The following CDH12 variants were observed in gnomAD, a reference collection of about 807,000 sequenced individuals.
CDH12 encodes the protein cadherin-12.
Under a neutral mutation model 74.1 loss-of-function variants are expected in CDH12, and 41 were observed. The observed-to-expected ratio is 0.55, with a 90% CI of 0.43 to 0.72. The LOEUF (loss-of-function observed/expected upper bound fraction) is 0.72. Ranked by LOEUF, CDH12 falls within the 30% of genes least tolerant of loss-of-function variation. The pLI, the probability that CDH12 is intolerant of heterozygous loss-of-function variation, is 0.00. For synonymous variants in CDH12, 399 were observed against 355.0 expected (o/e 1.12, Z -1.39); for missense variants, 945 against 977.2 (o/e 0.97, Z 0.44).
At chr5:21,778,379 T>A (rs1396689185) in intron 11 of CDH12, among the ~76,000 whole-genome samples, 5 of 151,494 alleles carry the variant, frequency 3.3e-5, no homozygotes, top group Non-Finnish European at 2.9e-5. Context: ...TTTATTATAT[T>A]GTTAATGTTA....
rs1255311757 is a variant in CDH12 at position 22,811,108 on chromosome 5, TATATAC to T, written c.-523+41944_-523+41949del. ...ATACACACGTATATGTACATATGTA[TATATAC>T]ATATACATATATACACATATATGCT... On this transcript the variant is annotated intron_variant, in intron 1 of 14. Transcript: ENST00000382254. Among the ~76,000 whole-genome samples the T allele has an allele frequency of 4.6e-5, 7 of 151,868 alleles. No homozygotes were observed. The East Asian group carries it at 1.4e-3, about 29-fold the overall frequency.
intron 5 of CDH12, among the ~76,000 whole-genome samples, chr5:22,036,798 T>C (rs1192980262): frequency 1.3e-5 from 2 of 152,156 alleles, no homozygotes; most frequent in African/African-American, 2.4e-5. Flanking sequence ...TAATAACATA[T>C]TCACTAAACT....
intron 4 of CDH12, among the ~76,000 whole-genome samples, chr5:22,119,295 T>G (rs2150272719): frequency 6.7e-6 from 1 of 149,916 alleles, no homozygotes; most frequent in Non-Finnish European, 1.5e-5. Context: ...GTTTTTTTTT[T>G]TTTTTTTTTT....
chr5:22,795,769 T>G (rs1748169560), intron 1 of CDH12, among the ~76,000 whole-genome samples: 1 of 151,730 alleles, frequency 6.6e-6, no homozygotes, highest in South Asian at 2.1e-4. Context: ...AGATTCCATA[T>G]ATGGAATCAT....
intron 2 of CDH12, among the ~76,000 whole-genome samples, chr5:22,462,536 G>A (rs187372271): frequency 6.4e-4 from 97 of 152,250 alleles, no homozygotes; most frequent in African/African-American, 2.2e-3. Flanking sequence ...GTGGCAGGCT[G>A]CCTACTGTGG....
At chr5:22,204,273 G>A (rs1421368869) in intron 4 of CDH12, among the ~76,000 whole-genome samples, 2 of 151,180 alleles carry the variant, frequency 1.3e-5, no homozygotes, top group Non-Finnish European at 2.9e-5. Flanking sequence ...CCATTCTCCT[G>A]CCTCAGCCTC....
In CDH12 at chr5:21,848,940, T is replaced by C. The variant is rs550971078; in HGVS notation, c.646+5731A>G. 9.2e-4 allele frequency among the ~76,000 whole-genome samples: 140 copies of C among 151,934 alleles called. 4 individuals are homozygous for C. The South Asian group carries it at 0.027, about 30-fold the overall frequency. On this transcript the variant is annotated intron_variant, in intron 7 of 14. Coordinates refer to ENST00000382254, the MANE Select transcript of CDH12 (RefSeq NM_004061.5). ...TACTTGATTCATCTTAGTCTCCCAA[T>C]AGCAAAGGACCTGTCAGGTCGTATG...
chr5:22,343,321 C>CAG (rs1283582617), intron 3 of CDH12, among the ~76,000 whole-genome samples: 21 of 124,292 alleles, frequency 1.7e-4, no homozygotes, highest in Admixed American at 3.9e-4. Context: ...CAGACACACA[C>CAG]ACAGAGAGAG....
At chr5:22,507,830 GGT>G (rs1466784310) in intron 1 of CDH12, among the ~76,000 whole-genome samples, 1 of 152,258 alleles carries the variant, frequency 6.6e-6, no homozygotes, top group Non-Finnish European at 1.5e-5. Context: ...ATGAAATCAA[GGT>G]GTCACGGTGC....
chr5:22,240,309 A>C (rs1752701217), intron 3 of CDH12, among the ~76,000 whole-genome samples: 1 of 152,176 alleles, frequency 6.6e-6, no homozygotes, highest in African/African-American at 2.4e-5. Flanking sequence ...CAAAGTGAAC[A>C]TGAAAAAGAT....
At chr5:22,506,651 G>A (rs1736397926) in intron 1 of CDH12, among the ~76,000 whole-genome samples, 1 of 151,838 alleles carries the variant, frequency 6.6e-6, no homozygotes. Flanking sequence ...AGAATGGTGA[G>A]AAACCAAGAT....
chr5:22,027,051 T>C lies in CDH12; in HGVS notation c.231+51395A>G, dbSNP rs186141590. On this transcript the variant is annotated intron_variant, in intron 5 of 14. Transcript: ENST00000382254. ...GTCGTTGAATTTTGTCAAAGGCCTTTTCTGCATCTATTGAGATAATCATGT... is the reference window on the plus strand; with the variant it reads ...GTCGTTGAATTTTGTCAAAGGCCTTCTCTGCATCTATTGAGATAATCATGT... Among the ~76,000 whole-genome samples, 1,075 of 152,320 alleles carry C rather than the reference T, an allele frequency of 7.1e-3. 12 individuals carry two copies. The highest frequency in any genetic ancestry group is 0.025 in the African/African-American group (1,019 of 41,576).
intron 5 of CDH12, among the ~76,000 whole-genome samples, chr5:22,027,558 G>T (rs533953535): frequency 6.6e-6 from 1 of 152,172 alleles, no homozygotes; most frequent in South Asian, 2.1e-4. Context: ...TGTATGAGTC[G>T]AGGAATTTAT....
intron 1 of CDH12, among the ~76,000 whole-genome samples, chr5:22,523,455 A>T (rs1737135018): frequency 6.6e-6 from 1 of 152,174 alleles, no homozygotes; most frequent in Admixed American, 6.5e-5. Flanking sequence ...ATTTTTTTAC[A>T]ACTGTCTGAA....
chr5:21,806,639 C>T (rs1434835612), intron 9 of CDH12, among the ~76,000 whole-genome samples: 1 of 152,126 alleles, frequency 6.6e-6, no homozygotes, highest in Non-Finnish European at 1.5e-5. Flanking sequence ...ATTTGTTTGC[C>T]TTTTCTCCTA....
intron 1 of CDH12, among the ~76,000 whole-genome samples, chr5:22,653,513 A>AC (rs1739850534): frequency 6.6e-6 from 1 of 151,704 alleles, no homozygotes; most frequent in Non-Finnish European, 1.5e-5. Context: ...GCCACAATAT[A>AC]TCTACCAGTG....
At chr5:21,871,347 A>G (rs764387207) in intron 6 of CDH12, among the ~76,000 whole-genome samples, 4 of 152,088 alleles carry the variant, frequency 2.6e-5, no homozygotes, top group African/African-American at 7.2e-5. Flanking sequence ...CATAGCATCA[A>G]TTTTCTAGTG....
At chr5:21,973,432 C>A (rs902169214) in intron 6 of CDH12, among the ~76,000 whole-genome samples, 1 of 152,184 alleles carries the variant, frequency 6.6e-6, no homozygotes, top group Non-Finnish European at 1.5e-5. Context: ...CACTTACCTA[C>A]ACTTTTGACT....
chr5:21,867,107 C>A (rs1315478579), intron 6 of CDH12, among the ~76,000 whole-genome samples: 1 of 152,176 alleles, frequency 6.6e-6, no homozygotes, highest in Non-Finnish European at 1.5e-5. Flanking sequence ...GTAATCCCAG[C>A]ACTTTGGGAT....
Sources: gnomAD v4.1 joint callset for allele counts (sites outside exome capture counted in the v4.1 genomes callset) on GRCh38, gnomAD v4.1.1 for gene constraint, MANE v1.5 for transcripts, NCBI Gene and HGNC (gene_info 2026-07-23, HGNC 2026-07-21) for gene names.